The following BDH2 variants were observed in gnomAD, a reference collection of about 807,000 sequenced individuals.
BDH2 encodes the protein dehydrogenase/reductase SDR family member 6.
In BDH2, 24 loss-of-function variants were observed where a neutral mutation model predicts 33.2. The observed-to-expected ratio is 0.72, with a 90% CI of 0.52 to 1.02. The LOEUF is 1.02. Ranked by LOEUF, BDH2 falls within the 50% of genes least tolerant of loss-of-function variation. BDH2 has a pLI of 0.00. For missense variants in BDH2, 249 were observed against 301.6 expected, an observed-to-expected ratio of 0.83 and a Z score of 1.29; for synonymous variants, 81 against 101.6, an observed-to-expected ratio of 0.80 and a Z score of 1.22.
At chr4:103,096,531 ATTTTTTTT>A (rs70941651) in intron 1 of BDH2, among the ~76,000 whole-genome samples, 1 of 114,240 alleles carries the variant, frequency 8.8e-6, no homozygotes, top group African/African-American at 3.3e-5. Context: ...GACATTGGCC[ATTTTTTTT>A]TTTTTTTTTT....
intron 2 of BDH2, among the ~76,000 whole-genome samples, chr4:103,095,962 G>A (rs1178521666): frequency 6.6e-6 from 1 of 152,210 alleles, no homozygotes; most frequent in East Asian, 1.9e-4. Flanking sequence ...TATCAGTGAT[G>A]TCATGTACTA....
chr4:103,088,733 C>T (rs1417992899), intron 5 of BDH2, among the ~76,000 whole-genome samples: 3 of 152,190 alleles, frequency 2.0e-5, no homozygotes, highest in Admixed American at 6.5e-5. Flanking sequence ...TCTGACCCAG[C>T]CCTTCTGTCT....
Position 103,086,002 on chromosome 4 carries a change from T to C in BDH2, c.418+478A>G, listed in dbSNP as rs1346292433. Reference sequence around the variant, plus strand: ...TCTTGCTGATGGCTCAGATCAACTGTCTTTGTGAAGCATTCCACAAACTCA... The same window carrying C: ...TCTTGCTGATGGCTCAGATCAACTGCCTTTGTGAAGCATTCCACAAACTCA... On this transcript the variant is annotated intron_variant, in intron 6 of 9. Coordinates refer to ENST00000296424, the MANE Select transcript of BDH2 (RefSeq NM_020139.4). 25 of 1,153,762 alleles carry C rather than the reference T, an allele frequency of 2.2e-5. No individual in the cohort carries two copies. In the African/African-American group the frequency reaches 3.8e-4, roughly 17 times the overall value. 71.5% of individuals were successfully genotyped at this position (1,153,762 alleles called of 1,614,324 possible).
intron 9 of BDH2, among the ~76,000 whole-genome samples, chr4:103,081,204 T>C (rs1365586398): frequency 6.6e-6 from 1 of 152,344 alleles, no homozygotes; most frequent in East Asian, 1.9e-4. Flanking sequence ...AAGTAAACAA[T>C]AGTTATTAAG....
chr4:103,085,790 A>G, intron 6 of BDH2: 2 of 1,312,506 alleles, frequency 1.5e-6, no homozygotes, highest in Non-Finnish European at 2.0e-6. Context: ...AAAACAAAAC[A>G]ATAAAACAGG....
chr4:103,085,618 T>C, intron 6 of BDH2, 156 bp from the exon 7 acceptor site: 2 of 1,483,884 alleles, frequency 1.3e-6, no homozygotes, highest in South Asian at 2.5e-5. Flanking sequence ...TTTCCTTCAA[T>C]AGAGTCAGTT....
chr4:103,093,572 T>C (rs1206767860), intron 3 of BDH2, among the ~76,000 whole-genome samples: 4 of 147,882 alleles, frequency 2.7e-5, no homozygotes, highest in East Asian at 3.9e-4. Context: ...TTATAACATA[T>C]AGTAATATAA....
At chr4:103,082,057 C>A (rs1392065831) in intron 9 of BDH2, 24 bp downstream of exon 9, 1 of 1,596,242 alleles carries the variant, frequency 6.3e-7, no homozygotes, top group Admixed American at 1.7e-5. Context: ...GGGTAATGAA[C>A]TCCTTGGGAA....
chr4:103,093,433 C>A (rs958328935), intron 3 of BDH2, among the ~76,000 whole-genome samples: 2 of 151,874 alleles, frequency 1.3e-5, no homozygotes, highest in Non-Finnish European at 2.9e-5. Flanking sequence ...CATGAGAGAT[C>A]TGGCATGGCG....
chr4:103,088,110 G>T (rs889489716), intron 5 of BDH2, among the ~76,000 whole-genome samples: 1 of 152,012 alleles, frequency 6.6e-6, no homozygotes, highest in Non-Finnish European at 1.5e-5. Context: ...AGACAGCAGG[G>T]GAAAAAATAA....
chr4:103,088,300 A>G (rs1279575896), intron 5 of BDH2, among the ~76,000 whole-genome samples: 3 of 152,220 alleles, frequency 2.0e-5, no homozygotes, highest in South Asian at 2.1e-4. Flanking sequence ...TAGAATACAT[A>G]TACCCCAATT....
intron 5 of BDH2, among the ~76,000 whole-genome samples, chr4:103,086,803 G>T (rs1747815341): frequency 1.3e-5 from 2 of 152,200 alleles, no homozygotes; most frequent in South Asian, 4.1e-4. Flanking sequence ...AAGAATGTCA[G>T]CAAGACTACG....
At chr4:103,098,198 C>T (rs1351093386) in intron 1 of BDH2, among the ~76,000 whole-genome samples, 1 of 151,982 alleles carries the variant, frequency 6.6e-6, no homozygotes, top group Non-Finnish European at 1.5e-5. Context: ...AATAGCAGGG[C>T]TGGAGAAAAT....
chr4:103,083,578 A>G (rs1204512450), intron 7 of BDH2, among the ~76,000 whole-genome samples: 1 of 152,206 alleles, frequency 6.6e-6, no homozygotes, highest in Admixed American at 6.5e-5. Context: ...CAACGCTAAC[A>G]TTTTAAAATT....
chr4:103,078,557 A>G lies in BDH2; in HGVS notation c.*1145T>C, dbSNP rs1318015407. On this transcript the variant is annotated 3_prime_UTR_variant, in exon 10 of 10. Transcript: ENST00000296424. ...GGGATGGCATCCGTTAAGTATAAAC[A>G]CTGGATTATTTTTCATAACATAACA... Among the ~76,000 whole-genome samples the G allele has an allele frequency of 6.6e-6, 1 of 152,210 alleles. No homozygotes were observed. The highest frequency in any genetic ancestry group is 1.5e-5 in the Non-Finnish European group (1 of 68,030).
At chr4:103,089,757 G>T (rs889132333) in intron 5 of BDH2, among the ~76,000 whole-genome samples, 1 of 151,940 alleles carries the variant, frequency 6.6e-6, no homozygotes, top group African/African-American at 2.4e-5. Flanking sequence ...CCTATGCAAA[G>T]GATCTGTCTT....
intron 3 of BDH2, 43 bp from the exon 4 acceptor site, chr4:103,092,739 C>T (rs1748171775): frequency 7.1e-7 from 1 of 1,415,362 alleles, no homozygotes; most frequent in African/African-American, 1.4e-5. Context: ...AAATGTTTAG[C>T]CTTGAAGGTT....
At chr4:103,079,970 G>A (rs1427562549) in intron 9 of BDH2, among the ~76,000 whole-genome samples, 2 of 152,178 alleles carry the variant, frequency 1.3e-5, no homozygotes, top group Non-Finnish European at 2.9e-5. Context: ...CCTCTGGCTG[G>A]TGTCTAAGCA....
At chr4:103,082,462 A>G (rs901909064) in intron 8 of BDH2, among the ~76,000 whole-genome samples, 15 of 152,200 alleles carry the variant, frequency 9.9e-5, no homozygotes, top group East Asian at 9.6e-4. Context: ...TTACTATCTT[A>G]ACCATTTTAA....
Sources: gnomAD v4.1 joint callset for allele counts (sites outside exome capture counted in the v4.1 genomes callset) on GRCh38, gnomAD v4.1.1 for gene constraint, MANE v1.5 for transcripts, NCBI Gene and HGNC (gene_info 2026-07-23, HGNC 2026-07-21) for gene names.